TMCO1: variants seen among roughly 807,000 people sequenced by gnomAD.
The protein encoded by TMCO1 is transmembrane and coiled-coil domains 1, also known as calcium load-activated calcium channel.
Under a neutral mutation model 29.3 loss-of-function variants are expected in TMCO1, and 29 were observed. The ratio of observed to expected loss-of-function variants is 0.99; its 90% CI spans 0.74 to 1.35. The LOEUF is 1.35. Ranked by LOEUF, TMCO1 falls within the 40% of genes most tolerant of loss-of-function variation. The pLI is 0.00. For missense variants in TMCO1, 173 were observed against 225.5 expected (o/e 0.77, Z 1.49); for synonymous variants, 80 against 77.1 (o/e 1.04, Z -0.20).
At chr1:165,741,112 T>C (rs1405852215) in intron 6 of TMCO1, among the ~76,000 whole-genome samples, 1 of 152,188 alleles carries the variant, frequency 6.6e-6, no homozygotes, top group African/African-American at 2.4e-5. Flanking sequence ...CTAACCAACA[T>C]ACTCTTCTTT....
chr1:165,741,213 C>G (rs1357109224), intron 6 of TMCO1, among the ~76,000 whole-genome samples: 1 of 152,196 alleles, frequency 6.6e-6, no homozygotes, highest in Non-Finnish European at 1.5e-5. Flanking sequence ...CTTTCTCCTT[C>G]ACATTAAATC....
chr1:165,731,568 T>C (rs1311986943), intron 6 of TMCO1, among the ~76,000 whole-genome samples: 1 of 152,184 alleles, frequency 6.6e-6, no homozygotes, highest in Non-Finnish European at 1.5e-5. Flanking sequence ...GGATGCCCTT[T>C]ATAGGTTTAC....
intron 4 of TMCO1, among the ~76,000 whole-genome samples, chr1:165,752,535 G>A (rs1170183842): frequency 2.6e-5 from 4 of 151,722 alleles, no homozygotes; most frequent in South Asian, 4.2e-4. Flanking sequence ...GATTACAGGC[G>A]TGAGCCATTG....
At chr1:165,768,108 TG>T in intron 2 of TMCO1, 83 bp downstream of exon 2, 1 of 1,166,402 alleles carries the variant, frequency 8.6e-7, no homozygotes, top group Non-Finnish European at 1.3e-6. Flanking sequence ...TTGTATCAGC[TG>T]GTGCTCTTAA....
At chr1:165,730,193 G>A (rs1200144822) in intron 6 of TMCO1, among the ~76,000 whole-genome samples, 2 of 149,244 alleles carry the variant, frequency 1.3e-5, no homozygotes, top group South Asian at 4.3e-4. Flanking sequence ...AAAATTAGCC[G>A]GGAGAGGTGG....
intron 3 of TMCO1, among the ~76,000 whole-genome samples, chr1:165,756,509 T>C (rs1652197851): frequency 6.6e-6 from 1 of 152,162 alleles, no homozygotes; most frequent in South Asian, 2.1e-4. Context: ...ACAAACTATA[T>C]AAAATTCATA....
At position 165,752,083 on chromosome 1, in the gene TMCO1, C is replaced by T; in HGVS notation, c.323+19G>A. ...TAGAGTAATAGTTATTAGTCAAAAG[C>T]ATATAAAAGGACACTCACATGGAAT... On this transcript the variant is annotated intron_variant, in intron 5 of 6. Coordinates refer to ENST00000367881, the MANE Select transcript of TMCO1 (RefSeq NM_019026.6). 6.3e-7 allele frequency: 1 copy of T among 1,587,524 alleles called. No homozygotes were observed. The highest frequency in any genetic ancestry group is 8.6e-7 in the Non-Finnish European group (1 of 1,156,126).
intron 6 of TMCO1, among the ~76,000 whole-genome samples, chr1:165,735,281 C>G (rs958690871): frequency 6.6e-6 from 1 of 152,064 alleles, no homozygotes; most frequent in African/African-American, 2.4e-5. Flanking sequence ...TGCAGAAAGA[C>G]AAAATGTTTT....
chr1:165,744,528 A>T (rs1459128690), intron 5 of TMCO1, among the ~76,000 whole-genome samples: 2 of 152,150 alleles, frequency 1.3e-5, no homozygotes, highest in Admixed American at 1.3e-4. Context: ...ACGGTGGCTC[A>T]CACCTGTAAT....
downstream of TMCO1, chr1:165,725,337 T>G: frequency 2.2e-6 from 1 of 453,970 alleles, no homozygotes; most frequent in Non-Finnish European, 4.4e-6. Context: ...CTGGCCCCAT[T>G]GGAGAGAATG....
intron 6 of TMCO1, among the ~76,000 whole-genome samples, chr1:165,733,485 T>C (rs1651247536): frequency 6.6e-6 from 1 of 151,878 alleles, no homozygotes; most frequent in South Asian, 2.1e-4. Flanking sequence ...CCTGTAATCC[T>C]AGCTACTTGG....
chr1:165,729,214 C>G (rs1571207300), intron 6 of TMCO1, among the ~76,000 whole-genome samples: 1 of 151,906 alleles, frequency 6.6e-6, no homozygotes, highest in East Asian at 1.9e-4. Flanking sequence ...TTTCAGGACC[C>G]TGTCATCTTT....
intron 2 of TMCO1, among the ~76,000 whole-genome samples, chr1:165,761,601 A>C (rs1488623917): frequency 6.6e-6 from 1 of 152,104 alleles, no homozygotes; most frequent in African/African-American, 2.4e-5. Context: ...TGAACATACT[A>C]GTGAGAGATC....
intron 6 of TMCO1, 37 bp from the exon 7 acceptor site, chr1:165,728,158 T>C: frequency 6.6e-7 from 1 of 1,520,568 alleles, no homozygotes; most frequent in South Asian, 1.1e-5. Flanking sequence ...GGTTTTAATA[T>C]CAAATATACA....
rs754926106 is a variant in TMCO1, at chr1:165,768,175, T to C, written c.148+17A>G. ...CTTGACGTGTTGAAATTATTTCTAA[T>C]GTGTTGCCATACTCACATTTTTTAC... On this transcript the variant is annotated intron_variant, in intron 2 of 6. Coordinates refer to ENST00000367881, the MANE Select transcript of TMCO1 (RefSeq NM_019026.6). 2.0e-5 allele frequency: 32 copies of C among 1,594,674 alleles called. No individual in the cohort carries two copies. Among genetic ancestry groups the C allele is most frequent in the Non-Finnish European group, 2.5e-5 (29 of 1,162,324 alleles).
intron 6 of TMCO1, among the ~76,000 whole-genome samples, chr1:165,732,418 C>T (rs1188242205): frequency 7.3e-6 from 1 of 137,814 alleles, no homozygotes; most frequent in Non-Finnish European, 1.6e-5. Context: ...AATAAAAAAT[C>T]GTGTAACAGG....
intron 3 of TMCO1, among the ~76,000 whole-genome samples, chr1:165,755,971 A>G (rs1426815248): frequency 1.3e-5 from 2 of 152,092 alleles, no homozygotes; most frequent in Non-Finnish European, 2.9e-5. Flanking sequence ...AACTATGGGA[A>G]CAGAAATAGA....
chr1:165,760,730 G>A (rs1417074760), intron 2 of TMCO1, among the ~76,000 whole-genome samples: 1 of 152,104 alleles, frequency 6.6e-6, no homozygotes, highest in Non-Finnish European at 1.5e-5. Flanking sequence ...GAACCCGGAA[G>A]GCAGAAGTTG....
At chr1:165,732,388 C>CAA (rs34558487) in intron 6 of TMCO1, among the ~76,000 whole-genome samples, 3,057 of 89,618 alleles carry the variant, frequency 0.034, 111 homozygotes, top group East Asian at 0.098. Context: ...CATAAAGAAG[C>CAA]AAAAAAAAAA....
Sources: allele counts gnomAD v4.1 joint callset (sites outside exome capture counted in the v4.1 genomes callset), GRCh38; gene constraint gnomAD v4.1.1; transcripts MANE v1.5; gene names NCBI Gene and HGNC (gene_info 2026-07-23, HGNC 2026-07-21).